Variants in AP5S1 observed in about 807,000 individuals in gnomAD.
AP5S1 encodes AP-5 complex subunit sigma-1.
AP5S1 carries 13 observed loss-of-function variants against 13.9 expected under a neutral mutation model. The observed-to-expected ratio is 0.94, with a 90% CI of 0.61 to 1.49. The LOEUF is 1.49. Ranked by LOEUF, AP5S1 falls within the 40% of genes most tolerant of loss-of-function variation. The pLI, the probability that AP5S1 is intolerant of heterozygous loss-of-function variation, is 0.00. For missense variants in AP5S1, 292 were observed against 272.3 expected (o/e 1.07, Z -0.51); for synonymous variants, 132 against 121.8 (o/e 1.08, Z -0.55).
chr20:3,822,139 C>T lies in AP5S1; in HGVS notation c.22C>T (p.His8Tyr), dbSNP rs926453611. The T allele has an allele frequency of 2.5e-6, 4 of 1,614,068 alleles. 1 individual carries two copies. Among genetic ancestry groups the T allele is most frequent in the African/African-American group, 2.7e-5 (2 of 75,034 alleles). The change falls in exon 2 of 3, where the codon CAC becomes TAC. Residue 8 changes from histidine (H) to tyrosine (Y), a missense_variant. Physicochemically the swap from His to Tyr is moderately conservative, Grantham distance 83. Transcript: ENST00000615891. The part of the protein sequence containing the change: MVHAFLI[H>Y]TLRAPNTEDT... The stretch of plus-strand genomic sequence containing the variant: ...AGCCATGGTCCACGCCTTCCTCATT[C>T]ACACCTTGAGGGCCCCGAATACTGA...
intron 1 of AP5S1, 93 bp from the exon 2 acceptor site, chr20:3,822,009 A>C (rs1054027504): frequency 3.3e-5 from 49 of 1,462,940 alleles, no homozygotes; most frequent in Middle Eastern, 2.5e-4. Context: ...CTCTGGATAC[A>C]CTCCCAGACA....
chr20:3,828,325 G>A lies in AP5S1; in HGVS notation c.*4028G>A, dbSNP rs894940483. 1 of 152,106 alleles carries A rather than the reference G, an allele frequency of 6.6e-6. No individual in the cohort carries two copies. The highest frequency in any genetic ancestry group is 2.4e-5 in the African/African-American group (1 of 41,394). 9.4% of individuals were successfully genotyped at this position (152,106 alleles called of 1,614,324 possible). The stretch of plus-strand genomic sequence containing the variant: ...ACAGCCTCCCTTATCACCAACACTG[G>A]GCACCAGAGTGGTCATTTGTTACAA... On this transcript the variant is annotated 3_prime_UTR_variant, in exon 3 of 3. Coordinates refer to ENST00000615891, the MANE Select transcript of AP5S1 (RefSeq NM_018347.3).
At chr20:3,822,926 G>C (rs2089594804) in intron 2 of AP5S1, among the ~76,000 whole-genome samples, 1 of 152,206 alleles carries the variant, frequency 6.6e-6, no homozygotes, top group South Asian at 2.1e-4. Context: ...GACCCAGCCA[G>C]AACTGGTAGG....
At position 3,820,655 on chromosome 20, in the gene AP5S1, G is replaced by C. The variant is rs537633321; in HGVS notation, c.-120G>C. The C allele has an allele frequency of 6.6e-6, 1 of 152,444 alleles. No homozygotes were observed. The highest frequency in any genetic ancestry group is 1.9e-4 in the East Asian group (1 of 5,188). 9.4% of individuals were successfully genotyped at this position (152,444 alleles called of 1,614,324 possible). Reference sequence around the variant, plus strand: ...GACGACAGCGGACCGGAGCTGCAGGGGCAACACATTCAGGGCGGGGTGCCC... The same window carrying C: ...GACGACAGCGGACCGGAGCTGCAGGCGCAACACATTCAGGGCGGGGTGCCC... On this transcript the variant is annotated 5_prime_UTR_variant, in exon 1 of 3. Transcript: ENST00000615891.
Position 3,824,152 on chromosome 20 carries a change from T to C in AP5S1, c.458T>C (p.Leu153Pro). 1 of 1,614,112 alleles carries C rather than the reference T, an allele frequency of 6.2e-7. No homozygotes were observed. The highest frequency in any genetic ancestry group is 8.5e-7 in the Non-Finnish European group (1 of 1,180,054). ...TRLLLDHLRL[L>P]APSTSLLLRA... ...CTCCTCCTTGACCACCTCCGGCTGC[T>C]GGCGCCCAGCACCAGCCTTCTGCTG... Residue 153 changes from leucine to proline, a missense_variant, in exon 3 of 3, where the codon CTG (leucine) becomes CCG (proline). Transcript: ENST00000615891.
chr20:3,822,046 CG>C, intron 1 of AP5S1, 55 bp from the exon 2 acceptor site: 6 of 1,553,808 alleles, frequency 3.9e-6, no homozygotes, highest in Non-Finnish European at 5.2e-6. Flanking sequence ...TTCCTGTGGT[CG>C]CCTCTCCTGC....
intron 1 of AP5S1, chr20:3,821,881 T>C (rs1409379590): frequency 2.3e-6 from 2 of 884,048 alleles, no homozygotes; most frequent in East Asian, 1.2e-4. Context: ...CTTTTTTCTT[T>C]TTTTTTTTTT....
chr20:3,823,712 C>G (rs1256197545), intron 2 of AP5S1, 159 bp from the exon 3 acceptor site: 22 of 985,438 alleles, frequency 2.2e-5, no homozygotes, highest in Non-Finnish European at 2.7e-5. Flanking sequence ...GCTCACACTT[C>G]CTGATTCTGT....
chr20:3,827,660 T>C lies in AP5S1; in HGVS notation c.*3363T>C, dbSNP rs1165320684. 1 of 152,262 alleles carries C rather than the reference T, an allele frequency of 6.6e-6. No individual in the cohort carries two copies. The highest frequency in any genetic ancestry group is 1.5e-5 in the Non-Finnish European group (1 of 68,122). 9.4% of individuals were successfully genotyped at this position (152,262 alleles called of 1,614,324 possible). ...CATGTATGTGAGCCCTGGGATGGGA[T>C]TGGATCATCTTGTCTCCTTTAGGGC... is the stretch of plus-strand genomic sequence containing the variant. On this transcript the variant is annotated 3_prime_UTR_variant, in exon 3 of 3. Transcript: ENST00000615891.
chr20:3,826,269 C>T lies in AP5S1; in HGVS notation c.*1972C>T, dbSNP rs6037670. The T allele has an allele frequency of 0.044, 6,703 of 152,296 alleles. 218 individuals are homozygous for T. Among genetic ancestry groups the T allele is most frequent in the African/African-American group, 0.099 (4,122 of 41,542 alleles). The allele number at this position is 152,296 out of a possible 1,614,324, so 9.4% of individuals were successfully genotyped here. On this transcript the variant is annotated 3_prime_UTR_variant, in exon 3 of 3. Coordinates refer to ENST00000615891, the MANE Select transcript of AP5S1 (RefSeq NM_018347.3). Reference sequence around the variant, plus strand: ...TTCCATTTTATGGTGCCACAAACCACCTTGACCATGAAGACCTAAAGGGAT... The same window carrying T: ...TTCCATTTTATGGTGCCACAAACCATCTTGACCATGAAGACCTAAAGGGAT...
rs763607704 is a variant in AP5S1 at position 3,824,304 on chromosome 20, G to A, written c.*7G>A. ...TGCCGCTTGGCCCCGCTGATTCCTCGTTGGGATGGTGCTTCTGAGGGCAGG... is the reference window on the plus strand; with the variant it reads ...TGCCGCTTGGCCCCGCTGATTCCTCATTGGGATGGTGCTTCTGAGGGCAGG... On this transcript the variant is annotated 3_prime_UTR_variant, in exon 3 of 3. Coordinates refer to ENST00000615891, the MANE Select transcript of AP5S1 (RefSeq NM_018347.3). 9.7e-5 allele frequency: 156 copies of A among 1,606,544 alleles called. No homozygotes were observed. The highest frequency in any genetic ancestry group is 3.3e-4 in the Middle Eastern group (2 of 6,050).
At position 3,822,163 on chromosome 20, in the gene AP5S1, G is replaced by A. The variant is rs760216875; in HGVS notation, c.46G>A (p.Glu16Lys). The change falls in exon 2 of 3, where the codon GAG becomes AAG. Residue 16 changes from glutamate to lysine, a missense_variant. Transcript: ENST00000615891. Reference protein sequence around the residue: ...LIHTLRAPNTEDTGLCRVLYS... With the variant: ...LIHTLRAPNTKDTGLCRVLYS... ...TCACACCTTGAGGGCCCCGAATACT[G>A]AGGACACGGGCCTTTGCCGAGTGCT... 2.9e-5 allele frequency: 46 copies of A among 1,614,016 alleles called. No homozygotes were observed. Among genetic ancestry groups the A allele is most frequent in the Non-Finnish European group, 3.7e-5 (44 of 1,180,036 alleles).
At chr20:3,823,732 C>T (rs2089601280) in intron 2 of AP5S1, 139 bp from the exon 3 acceptor site, 1 of 1,479,994 alleles carries the variant, frequency 6.8e-7, no homozygotes, top group African/African-American at 1.4e-5. Flanking sequence ...TGGCCCTGGG[C>T]AGATCACTTA....
At chr20:3,821,352 T>C (rs957668272) in intron 1 of AP5S1, among the ~76,000 whole-genome samples, 3 of 152,192 alleles carry the variant, frequency 2.0e-5, no homozygotes, top group African/African-American at 7.2e-5. Context: ...TAATGCCCTT[T>C]ATGGAAATTA....
chr20:3,822,078 C>T (rs1291173824), intron 1 of AP5S1, 24 bp from the exon 2 acceptor site: 10 of 1,604,148 alleles, frequency 6.2e-6, no homozygotes, highest in African/African-American at 1.3e-5. Flanking sequence ...TCTCACCTTA[C>T]CAATGTCTCT....
In AP5S1 at chr20:3,826,998, T is replaced by C. The variant is rs543731725; in HGVS notation, c.*2701T>C. On this transcript the variant is annotated 3_prime_UTR_variant, in exon 3 of 3. Transcript: ENST00000615891. ...GGGCACTTCAGTGACGAAGGCCAAG[T>C]GAAGGAGCCAGGATTTAGAACTAAA... 15 of 152,188 alleles carry C rather than the reference T, an allele frequency of 9.9e-5. No homozygotes were observed. The highest frequency in any genetic ancestry group is 2.1e-4 in the Non-Finnish European group (14 of 68,048). 9.4% of individuals were successfully genotyped at this position (152,188 alleles called of 1,614,324 possible). A position where few individuals can be genotyped will look rare whatever the true frequency, so the allele number is the denominator to read the frequency against.
chr20:3,824,016 G>A lies in AP5S1; in HGVS notation c.322G>A (p.Glu108Lys), dbSNP rs2089605119. ...FRLAAENPFQ[E>K]PRTVVWLGVL... ...CCTGGCAGCAGAGAACCCTTTCCAGGAGCCACGGACGGTGGTGTGGCTGGG... is the reference window on the plus strand; with the variant it reads ...CCTGGCAGCAGAGAACCCTTTCCAGAAGCCACGGACGGTGGTGTGGCTGGG... Residue 108 changes from glutamate (E) to lysine (K), a missense_variant, in exon 3 of 3, where the codon GAG becomes AAG. By Grantham distance (56) the Glu-to-Lys change is moderately conservative. Coordinates refer to ENST00000615891, the MANE Select transcript of AP5S1 (RefSeq NM_018347.3). 2 of 1,613,500 alleles carry A rather than the reference G, an allele frequency of 1.2e-6. No homozygotes were observed. Among genetic ancestry groups the A allele is most frequent in the Non-Finnish European group, 8.5e-7 (1 of 1,180,040 alleles).
chr20:3,823,949 T>G lies in AP5S1; in HGVS notation c.255T>G (p.Asp85Glu). ...TGGACCTGCAGCCGCAATCCTCAGA[T>G]GAGCAAGTGCCGCTGCACGAGGCCC... ...PPMDLQPQSS[D>E]EQVPLHEAPR... Residue 85 changes from aspartate to glutamate, a missense_variant, in exon 3 of 3, where the codon GAT becomes GAG. By Grantham distance (45) the Asp-to-Glu change is conservative. Transcript: ENST00000615891. 6.2e-7 allele frequency: 1 copy of G among 1,608,566 alleles called. No homozygotes were observed. The highest frequency in any genetic ancestry group is 8.5e-7 in the Non-Finnish European group (1 of 1,180,006).
Position 3,825,181 on chromosome 20 carries a change from T to G in AP5S1, c.*884T>G, listed in dbSNP as rs910712694. On this transcript the variant is annotated 3_prime_UTR_variant, in exon 3 of 3. Transcript: ENST00000615891. ...CCGTTCCCACCAGGCAGGCTCGAGA[T>G]AAAGTCATCACAGCCTTCCCTCATC... 2.0e-5 allele frequency: 3 copies of G among 152,276 alleles called. No individual in the cohort carries two copies. The highest frequency in any genetic ancestry group is 4.4e-5 in the Non-Finnish European group (3 of 68,060). The allele number at this position is 152,276 out of a possible 1,614,324, so 9.4% of individuals were successfully genotyped here. A position where few individuals can be genotyped will look rare whatever the true frequency, so the allele number is the denominator to read the frequency against.
Sources: allele counts gnomAD v4.1 joint callset (sites outside exome capture counted in the v4.1 genomes callset), GRCh38; gene constraint gnomAD v4.1.1; transcripts MANE v1.5; gene names NCBI Gene and HGNC (gene_info 2026-07-23, HGNC 2026-07-21).